KIF26B: variants seen among roughly 807,000 people sequenced by gnomAD.
KIF26B encodes kinesin-like protein KIF26B.
KIF26B carries 63 observed loss-of-function variants against 151.2 expected under a neutral mutation model. The observed-to-expected ratio is 0.42, with a 90% CI of 0.34 to 0.51. The LOEUF (loss-of-function observed/expected upper bound fraction) is 0.51, where lower values mean the gene tolerates loss of function less well. KIF26B is among the 20% of genes least tolerant of loss of function. The pLI is 0.07. For missense variants in KIF26B, 2,813 were observed against 2,913.6 expected (o/e 0.97, Z 0.79); for synonymous variants, 1,357 against 1,262.1 (o/e 1.08, Z -1.59).
At chr1:245,303,486 C>T (rs755020680) in intron 2 of KIF26B, among the ~76,000 whole-genome samples, 72 of 151,094 alleles carry the variant, frequency 4.8e-4, no homozygotes, top group Admixed American at 2.2e-3. Context: ...GCGTAAGCCA[C>T]CGCGCCCGGC....
intron 2 of KIF26B, among the ~76,000 whole-genome samples, chr1:245,282,629 C>G (rs1671078117): frequency 6.6e-6 from 1 of 152,294 alleles, no homozygotes; most frequent in Middle Eastern, 3.4e-3. Context: ...CCCAATCAAA[C>G]CAATCCCCTA....
At chr1:245,541,470 G>A (rs1021546380) in intron 5 of KIF26B, among the ~76,000 whole-genome samples, 15 of 152,248 alleles carry the variant, frequency 9.9e-5, no homozygotes, top group African/African-American at 3.6e-4. Context: ...TGCTCAGGAA[G>A]AGATGTAGGA....
At chr1:245,224,658 T>C (rs1381530918) in intron 2 of KIF26B, among the ~76,000 whole-genome samples, 1 of 152,246 alleles carries the variant, frequency 6.6e-6, no homozygotes, top group East Asian at 1.9e-4. Context: ...GGTGGTGATA[T>C]TGACATATGA....
At chr1:245,243,467 CACACATATATATAT>C (rs1670249477) in intron 2 of KIF26B, among the ~76,000 whole-genome samples, 1 of 151,468 alleles carries the variant, frequency 6.6e-6, no homozygotes, top group Admixed American at 6.6e-5. Flanking sequence ...CACACACACA[CACACATATATATAT>C]ACACACATAC....
chr1:245,666,717 G>A (rs3737920), intron 10 of KIF26B, among the ~76,000 whole-genome samples: 10,903 of 151,966 alleles, frequency 0.072, 517 homozygotes, highest in African/African-American at 0.13. Flanking sequence ...ACATGCCAGA[G>A]GTATTTAACT....
chr1:245,581,013 C>G (rs1243126523), intron 5 of KIF26B, among the ~76,000 whole-genome samples: 1 of 152,250 alleles, frequency 6.6e-6, no homozygotes, highest in Non-Finnish European at 1.5e-5. Flanking sequence ...ATTAATTTCT[C>G]TCTGCATAGA....
chr1:245,195,533 G>A (rs1042419463), intron 2 of KIF26B, among the ~76,000 whole-genome samples: 8 of 152,282 alleles, frequency 5.3e-5, no homozygotes, highest in South Asian at 2.1e-4. Flanking sequence ...CAGGATTGAC[G>A]GGGAGGGGCA....
chr1:245,546,014 T>C (rs1661732542), intron 5 of KIF26B, among the ~76,000 whole-genome samples: 1 of 152,168 alleles, frequency 6.6e-6, no homozygotes, highest in Non-Finnish European at 1.5e-5. Flanking sequence ...ATGGTGACAG[T>C]CATATTGGAT....
chr1:245,590,972 G>A (rs2043283024), intron 5 of KIF26B, among the ~76,000 whole-genome samples: 1 of 151,630 alleles, frequency 6.6e-6, no homozygotes, highest in Non-Finnish European at 1.5e-5. Context: ...TCTCAGCTCT[G>A]TGAGTGTAGG....
At chr1:245,340,006 C>T (rs1205999369) in intron 2 of KIF26B, among the ~76,000 whole-genome samples, 1 of 152,220 alleles carries the variant, frequency 6.6e-6, no homozygotes, top group Non-Finnish European at 1.5e-5. Flanking sequence ...AACCCATTTC[C>T]CCCCAATACT....
At chr1:245,682,851 T>C (rs1422240810) in intron 10 of KIF26B, among the ~76,000 whole-genome samples, 1 of 152,248 alleles carries the variant, frequency 6.6e-6, no homozygotes, top group African/African-American at 2.4e-5. Context: ...CGAGTGCGGC[T>C]GTCCGTGGGT....
chr1:245,447,425 T>G (rs1659272792), intron 4 of KIF26B, among the ~76,000 whole-genome samples: 3 of 152,186 alleles, frequency 2.0e-5, no homozygotes, highest in African/African-American at 7.2e-5. Context: ...CCCCTACAAT[T>G]CCCATATGGG....
chr1:245,650,924 T>C (rs1310389244), intron 10 of KIF26B, among the ~76,000 whole-genome samples: 1 of 152,204 alleles, frequency 6.6e-6, no homozygotes, highest in Non-Finnish European at 1.5e-5. Context: ...GTTTGGTCTA[T>C]GGTTCAGACC....
At chr1:245,190,643 T>TTTG (rs1669088744) in intron 2 of KIF26B, among the ~76,000 whole-genome samples, 1 of 150,506 alleles carries the variant, frequency 6.6e-6, no homozygotes, top group African/African-American at 2.5e-5. Flanking sequence ...TGTTTTGTTT[T>TTTG]TTTTTTTTTT....
intron 5 of KIF26B, among the ~76,000 whole-genome samples, chr1:245,579,145 T>C (rs1234531863): frequency 1.3e-5 from 2 of 152,290 alleles, no homozygotes; most frequent in East Asian, 3.9e-4. Flanking sequence ...AGCCACCTGG[T>C]CATAATCCAG....
chr1:245,198,884 C>CCG (rs1669238268), intron 2 of KIF26B, among the ~76,000 whole-genome samples: 1 of 42,162 alleles, frequency 2.4e-5, no homozygotes, highest in Admixed American at 2.8e-4. Flanking sequence ...CTAATGTAGA[C>CCG]CGGGGGGTCA....
At chr1:245,191,530 A>G (rs1012967434) in intron 2 of KIF26B, among the ~76,000 whole-genome samples, 30 of 152,190 alleles carry the variant, frequency 2.0e-4, no homozygotes, top group African/African-American at 7.2e-4. Context: ...AGAAGGAAAT[A>G]TATGGATAAA....
Position 245,706,522 on chromosome 1 carries a change from C to G in KIF26B, c.*3916C>G, listed in dbSNP as rs2044843486. On this transcript the variant is annotated 3_prime_UTR_variant, in exon 15 of 15. Transcript: ENST00000407071. ...GACTAAAGATGAGTTAATTTCCAAA[C>G]TAAAAAAGGAAGGAGTCCTGCCTGT... The G allele has an allele frequency of 6.6e-6, 1 of 152,172 alleles. No individual in the cohort carries two copies. The highest frequency in any genetic ancestry group is 1.5e-5 in the Non-Finnish European group (1 of 68,024). 9.4% of individuals were successfully genotyped at this position (152,172 alleles called of 1,614,324 possible). A position where few individuals can be genotyped will look rare whatever the true frequency, so the allele number is the denominator to read the frequency against.
chr1:245,313,051 C>T (rs1234982938), intron 2 of KIF26B, among the ~76,000 whole-genome samples: 2 of 151,824 alleles, frequency 1.3e-5, no homozygotes, highest in East Asian at 1.9e-4. Flanking sequence ...CCCAGCTACT[C>T]GGGAGGCTGA....
Sources: allele counts gnomAD v4.1 joint callset (sites outside exome capture counted in the v4.1 genomes callset), GRCh38; gene constraint gnomAD v4.1.1; transcripts MANE v1.5; gene names NCBI Gene and HGNC (gene_info 2026-07-23, HGNC 2026-07-21).